The following CHM variants were observed in gnomAD, a reference collection of about 807,000 sequenced individuals.
CHM encodes CHM Rab escort protein.
In CHM, 10 loss-of-function variants were observed where a neutral mutation model predicts 49.0. That is an observed-to-expected ratio of 0.20 (90% confidence interval 0.13 to 0.35). CHM has a LOEUF of 0.35. Ranked by LOEUF, CHM falls within the 10% of genes least tolerant of loss-of-function variation. CHM has a pLI of 1.00. For missense variants in CHM, 455 were observed against 478.4 expected, an observed-to-expected ratio of 0.95 and a Z score of 0.46; for synonymous variants, 184 against 167.5, an observed-to-expected ratio of 1.10 and a Z score of -0.76.
intron 1 of CHM, among the ~76,000 whole-genome samples, chrX:86,029,618 A>G (rs1387887749): frequency 8.9e-6 from 1 of 111,875 alleles, no homozygotes; most frequent in East Asian, 2.8e-4. Context: ...ATAACTTGCC[A>G]AATACCAAGT....
chrX:85,890,641 A>C (rs1407315191), intron 12 of CHM, among the ~76,000 whole-genome samples: 1 of 112,155 alleles, frequency 8.9e-6, no homozygotes, highest in Non-Finnish European at 1.9e-5. Flanking sequence ...ATGATTCTGA[A>C]GCATCCTCAG....
intron 2 of CHM, among the ~76,000 whole-genome samples, chrX:86,002,460 C>T (rs1304211317): frequency 1.8e-5 from 2 of 111,985 alleles, no homozygotes; most frequent in Non-Finnish European, 3.8e-5. Context: ...AGGAACACCT[C>T]TGGTCTGCAG....
At chrX:85,874,865 T>C (rs1328462733) in intron 13 of CHM, among the ~76,000 whole-genome samples, 1 of 111,864 alleles carries the variant, frequency 8.9e-6, no homozygotes, top group African/African-American at 3.2e-5. Flanking sequence ...ACGAATCTTA[T>C]GGGAAGATAC....
At chrX:85,917,820 C>T (rs1724739987) in intron 8 of CHM, among the ~76,000 whole-genome samples, 1 of 109,009 alleles carries the variant, frequency 9.2e-6, no homozygotes, top group African/African-American at 3.3e-5. Flanking sequence ...AAAAAAACCT[C>T]AGAATTTGAG....
intron 12 of CHM, among the ~76,000 whole-genome samples, chrX:85,888,960 T>A (rs1325836579): frequency 8.9e-6 from 1 of 112,109 alleles, no homozygotes; most frequent in East Asian, 2.8e-4. Context: ...TGAAAATGTA[T>A]GTGCATGCCC....
At chrX:86,037,838 T>C (rs1183136776) in intron 1 of CHM, among the ~76,000 whole-genome samples, 2 of 111,428 alleles carry the variant, frequency 1.8e-5, no homozygotes, top group Admixed American at 1.9e-4. Flanking sequence ...TCAATTAAGA[T>C]GCATGATGTA....
At chrX:85,927,606 G>A (rs1326775770) in intron 8 of CHM, among the ~76,000 whole-genome samples, 1 of 111,905 alleles carries the variant, frequency 8.9e-6, no homozygotes. Flanking sequence ...CGTATATCTG[G>A]AGTATAATCT....
chrX:85,918,841 T>A (rs937888724), intron 8 of CHM, among the ~76,000 whole-genome samples: 3 of 111,947 alleles, frequency 2.7e-5, no homozygotes, highest in African/African-American at 9.8e-5. Context: ...TTAACTATCC[T>A]AAATGCACCC....
intron 2 of CHM, among the ~76,000 whole-genome samples, chrX:86,001,446 G>C: frequency 9.0e-6 from 1 of 111,291 alleles, no homozygotes; most frequent in South Asian, 3.8e-4. Context: ...AAAGAAAAGA[G>C]GTTTAGTTGG....
At chrX:85,935,117 C>T (rs887269982) in intron 8 of CHM, among the ~76,000 whole-genome samples, 8 of 111,502 alleles carry the variant, frequency 7.2e-5, no homozygotes, top group African/African-American at 2.6e-4. Flanking sequence ...GTGAGAGCTT[C>T]AGGAAGTTTC....
At chrX:85,896,310 G>A (rs894593189) in intron 11 of CHM, among the ~76,000 whole-genome samples, 1 of 111,195 alleles carries the variant, frequency 9.0e-6, no homozygotes, top group African/African-American at 3.3e-5. Context: ...TTACAAGTCA[G>A]AGGTGATGAG....
At chrX:86,039,057 A>C (rs1034258211) in intron 1 of CHM, among the ~76,000 whole-genome samples, 1 of 112,599 alleles carries the variant, frequency 8.9e-6, no homozygotes, top group African/African-American at 3.2e-5. Context: ...TGAAAAATGG[A>C]GATGATATAG....
chrX:85,880,501 T>G (rs1924696436), intron 12 of CHM, among the ~76,000 whole-genome samples: 1 of 111,268 alleles, frequency 9.0e-6, no homozygotes, highest in Non-Finnish European at 1.9e-5. Flanking sequence ...ATTTTCCAGT[T>G]TTTTGCTTGT....
At position 85,929,326 on chromosome X, in the gene CHM, C is replaced by T. The variant is rs143796100; in HGVS notation, c.1167-17988G>A. Among the ~76,000 whole-genome samples, 564 of 112,409 alleles carry T rather than the reference C, an allele frequency of 5.0e-3. 3 individuals carry two copies. The highest frequency in any genetic ancestry group is 0.017 in the African/African-American group (539 of 30,947). On this transcript the variant is annotated intron_variant, in intron 8 of 14. Coordinates refer to ENST00000357749, the MANE Select transcript of CHM (RefSeq NM_000390.4). Reference sequence around the variant, plus strand: ...CCCATCATATTCTGGTATCATTACACACTCAAATGCCACCCTCCTTAGTGG... The same window carrying T: ...CCCATCATATTCTGGTATCATTACATACTCAAATGCCACCCTCCTTAGTGG...
rs772452707 is a variant in CHM at position 86,027,491 on chromosome X, G to A, written c.116C>T (p.Ser39Leu). The change falls in exon 2 of 15, where the codon TCA (serine) becomes TTA (leucine). Residue 39 changes from serine (S) to leucine (L), a missense_variant and splice_region_variant. Transcript: ENST00000357749. Reference protein sequence around the residue: ...RSGRRVLHVDSRSYYGGNWAS... With the variant: ...RSGRRVLHVDLRSYYGGNWAS... ...TAAATGCTATCGTTGATAAACTTAC[G>A]AATCAACATGCAGAACTCTCCGGCC... is the stretch of plus-strand genomic sequence containing the variant. 27 of 1,198,254 alleles carry A rather than the reference G, an allele frequency of 2.3e-5. No individual in the cohort carries two copies. Among genetic ancestry groups the A allele is most frequent in the African/African-American group, 8.8e-5 (5 of 56,849 alleles).
chrX:85,888,918 T>A (rs1336161398), intron 12 of CHM, among the ~76,000 whole-genome samples: 2 of 111,801 alleles, frequency 1.8e-5, no homozygotes, highest in African/African-American at 6.5e-5. Context: ...AAACATATTA[T>A]AAAACAGTAT....
chrX:85,884,205 T>C (rs1924942165), intron 12 of CHM, among the ~76,000 whole-genome samples: 2 of 110,789 alleles, frequency 1.8e-5, no homozygotes, highest in South Asian at 7.6e-4. Context: ...TGAACCAAAT[T>C]AGCTGAGGGG....
At chrX:86,008,082 A>T (rs1221343786) in intron 2 of CHM, among the ~76,000 whole-genome samples, 2 of 112,023 alleles carry the variant, frequency 1.8e-5, no homozygotes, top group Non-Finnish European at 3.8e-5. Flanking sequence ...CAGCCATAAA[A>T]AAGGATGAGT....
rs1924176814 is a variant in CHM at position 85,872,988 on chromosome X, GA to G, written c.1770+63del. 3.7e-6 allele frequency: 4 copies of G among 1,086,071 alleles called. No homozygotes were observed. In the Admixed American group the frequency reaches 6.7e-5, roughly 18 times the overall value. 89.5% of individuals were successfully genotyped at this position (1,086,071 alleles called of 1,213,427 possible). A position where few individuals can be genotyped will look rare whatever the true frequency, so the allele number is the denominator to read the frequency against. On this transcript the variant is annotated intron_variant, in intron 14 of 14. Transcript: ENST00000357749. ...TTTCTAGACTTCTCTCCTCCCAGAGGAAAAAATATTTCCCAACCACACCAAC... is the reference window on the plus strand; with the variant it reads ...TTTCTAGACTTCTCTCCTCCCAGAGGAAAAATATTTCCCAACCACACCAAC...
Sources: gnomAD v4.1 joint callset for allele counts (sites outside exome capture counted in the v4.1 genomes callset) on GRCh38, gnomAD v4.1.1 for gene constraint, MANE v1.5 for transcripts, NCBI Gene and HGNC (gene_info 2026-07-23, HGNC 2026-07-21) for gene names.